The following IMMP2L variants were observed in gnomAD, a reference collection of about 807,000 sequenced individuals.
The protein encoded by IMMP2L is inner mitochondrial membrane peptidase subunit 2, also known as mitochondrial inner membrane protease subunit 2.
Under a neutral mutation model 19.3 loss-of-function variants are expected in IMMP2L, and 18 were observed. The ratio of observed to expected loss-of-function variants is 0.93; its 90% CI spans 0.64 to 1.38. IMMP2L has a LOEUF of 1.38. Ranked by LOEUF, IMMP2L falls within the 40% of genes most tolerant of loss-of-function variation. IMMP2L has a pLI of 0.00. For missense variants in IMMP2L, 233 were observed against 218.2 expected, an observed-to-expected ratio of 1.07 and a Z score of -0.43; for synonymous variants, 76 against 73.0, an observed-to-expected ratio of 1.04 and a Z score of -0.21.
chr7:110,855,651 T>G (rs1158572729), intron 5 of IMMP2L, among the ~76,000 whole-genome samples: 2 of 152,074 alleles, frequency 1.3e-5, no homozygotes, highest in Non-Finnish European at 2.9e-5. Flanking sequence ...CATCTGTCAA[T>G]TTATTCAATG....
intron 3 of IMMP2L, among the ~76,000 whole-genome samples, chr7:111,176,336 T>C (rs1807058204): frequency 6.6e-6 from 1 of 151,988 alleles, no homozygotes; most frequent in East Asian, 1.9e-4. Flanking sequence ...TACTGCAACA[T>C]TATTCACAAT....
At chr7:110,752,171 G>A (rs1797764175) in intron 5 of IMMP2L, among the ~76,000 whole-genome samples, 1 of 151,978 alleles carries the variant, frequency 6.6e-6, no homozygotes, top group South Asian at 2.1e-4. Flanking sequence ...GGATTTTGAG[G>A]TTTAGTGCTA....
intron 5 of IMMP2L, among the ~76,000 whole-genome samples, chr7:110,806,953 G>C (rs1038337296): frequency 1.3e-5 from 2 of 151,906 alleles, no homozygotes; most frequent in Admixed American, 1.3e-4. Context: ...TATGTTTCAG[G>C]ATAGGTGTAA....
intron 3 of IMMP2L, among the ~76,000 whole-genome samples, chr7:111,270,445 G>A (rs1293915356): frequency 6.6e-6 from 1 of 152,098 alleles, no homozygotes; most frequent in African/African-American, 2.4e-5. Flanking sequence ...TTTGTCATGA[G>A]TATTGTATTT....
At chr7:110,991,080 G>A (rs1176344326) in intron 3 of IMMP2L, among the ~76,000 whole-genome samples, 3 of 152,130 alleles carry the variant, frequency 2.0e-5, no homozygotes, top group Non-Finnish European at 4.4e-5. Flanking sequence ...CCTATGAGCT[G>A]TTTACATAGT....
At chr7:111,073,918 T>C (rs141328300) in intron 3 of IMMP2L, among the ~76,000 whole-genome samples, 2 of 152,338 alleles carry the variant, frequency 1.3e-5, no homozygotes, top group African/African-American at 4.8e-5. Context: ...TGCATATAAG[T>C]ATGCATGTGT....
chr7:111,229,151 A>C (rs1813441539), intron 3 of IMMP2L, among the ~76,000 whole-genome samples: 1 of 152,066 alleles, frequency 6.6e-6, no homozygotes, highest in South Asian at 2.1e-4. Flanking sequence ...TTTATTACAA[A>C]GTAACTTCTT....
intron 4 of IMMP2L, among the ~76,000 whole-genome samples, chr7:110,940,933 T>G (rs1404072980): frequency 1.3e-5 from 2 of 152,176 alleles, no homozygotes; most frequent in African/African-American, 4.8e-5. Context: ...TGCTTGCTGA[T>G]AGTGTGCTGC....
At chr7:110,848,384 C>T (rs954780720) in intron 5 of IMMP2L, among the ~76,000 whole-genome samples, 1 of 152,076 alleles carries the variant, frequency 6.6e-6, no homozygotes, top group Admixed American at 6.6e-5. Flanking sequence ...ATCAGGAGGG[C>T]CAAAATCCGA....
chr7:111,378,207 A>C (rs1830865891), intron 3 of IMMP2L, among the ~76,000 whole-genome samples: 1 of 152,050 alleles, frequency 6.6e-6, no homozygotes, highest in Non-Finnish European at 1.5e-5. Flanking sequence ...TTGCATGATA[A>C]TCATCTTATA....
intron 3 of IMMP2L, among the ~76,000 whole-genome samples, chr7:111,057,703 T>C (rs1395674622): frequency 6.6e-6 from 1 of 152,194 alleles, no homozygotes; most frequent in African/African-American, 2.4e-5. Flanking sequence ...GGCCTAACCC[T>C]TCTGTCAAAA....
At chr7:111,418,472 G>A (rs1051598095) in intron 3 of IMMP2L, among the ~76,000 whole-genome samples, 14 of 151,528 alleles carry the variant, frequency 9.2e-5, no homozygotes, top group East Asian at 3.9e-4. Context: ...TTTGAAATAC[G>A]TCCCTTCTGC....
In IMMP2L at chr7:110,712,961, AC is replaced by A. The variant is rs375661544; in HGVS notation, c.409-49241del. Reference sequence around the variant, plus strand: ...TACCTCAGATGGAAATGCAGAAATCACCCGTCTTCTGCGTCACTCACGCTGG... The same window carrying A: ...TACCTCAGATGGAAATGCAGAAATCACCGTCTTCTGCGTCACTCACGCTGG... On this transcript the variant is annotated intron_variant, in intron 5 of 5. Coordinates refer to ENST00000405709, the MANE Select transcript of IMMP2L (RefSeq NM_032549.4). Among the ~76,000 whole-genome samples the A allele has an allele frequency of 7.5e-4, 113 of 150,266 alleles. 1 individual carries two copies. The East Asian group carries it at 0.021, about 28-fold the overall frequency.
chr7:110,827,635 G>C (rs892868414), intron 5 of IMMP2L, among the ~76,000 whole-genome samples: 1 of 152,108 alleles, frequency 6.6e-6, no homozygotes, highest in Non-Finnish European at 1.5e-5. Flanking sequence ...CAGAAGAGAG[G>C]GTGATTAATT....
rs191101771 is a variant in IMMP2L, at chr7:110,928,306, T to C, written c.305+35194A>G. ...AAAGAAAAATTTATTATCCAAAATA[T>C]AATTAAAAATATATGTGTGTAGGTA... On this transcript the variant is annotated intron_variant, in intron 4 of 5. Coordinates refer to ENST00000405709, the MANE Select transcript of IMMP2L (RefSeq NM_032549.4). Among the ~76,000 whole-genome samples the C allele has an allele frequency of 1.9e-3, 287 of 150,436 alleles. 2 individuals are homozygous for C. Among genetic ancestry groups the C allele is most frequent in the African/African-American group, 6.5e-3 (268 of 41,008 alleles).
intron 3 of IMMP2L, among the ~76,000 whole-genome samples, chr7:111,348,080 C>G (rs1022978036): frequency 2.2e-5 from 3 of 136,278 alleles, no homozygotes; most frequent in Admixed American, 1.8e-4. Flanking sequence ...TAGGTGGGAA[C>G]TGAACAATGA....
intron 3 of IMMP2L, among the ~76,000 whole-genome samples, chr7:111,352,835 G>A (rs1247885951): frequency 1.7e-4 from 26 of 152,086 alleles, no homozygotes; most frequent in Admixed American, 1.7e-3. Flanking sequence ...TGTAGTCTTA[G>A]TAGACTCTAA....
chr7:111,034,714 A>G (rs547901041), intron 3 of IMMP2L, among the ~76,000 whole-genome samples: 1 of 152,258 alleles, frequency 6.6e-6, no homozygotes, highest in Non-Finnish European at 1.5e-5. Flanking sequence ...AGTTAGAATA[A>G]ATTTATGCTG....
At chr7:111,064,153 C>G (rs546632248) in intron 3 of IMMP2L, among the ~76,000 whole-genome samples, 1 of 152,268 alleles carries the variant, frequency 6.6e-6, no homozygotes, top group Non-Finnish European at 1.5e-5. Context: ...CACAATCACA[C>G]GGCGGCAGAC....
Sources: allele counts gnomAD v4.1 joint callset (sites outside exome capture counted in the v4.1 genomes callset), GRCh38; gene constraint gnomAD v4.1.1; transcripts MANE v1.5; gene names NCBI Gene and HGNC (gene_info 2026-07-23, HGNC 2026-07-21).